Variants in STYX observed in about 807,000 individuals in gnomAD.
The protein encoded by STYX is serine/threonine/tyrosine interacting protein.
Under a neutral mutation model 42.7 loss-of-function variants are expected in STYX, and 20 were observed. That is an observed-to-expected ratio of 0.47 (90% CI 0.33 to 0.68). The LOEUF (loss-of-function observed/expected upper bound fraction) is 0.68. Among genes scored for constraint, STYX ranks in the 30% least tolerant of loss-of-function variants. STYX has a pLI of 0.02. For missense variants in STYX, 226 were observed against 268.5 expected, an observed-to-expected ratio of 0.84 and a Z score of 1.11; for synonymous variants, 78 against 81.9, an observed-to-expected ratio of 0.95 and a Z score of 0.26.
intron 1 of STYX, among the ~76,000 whole-genome samples, chr14:52,731,186 A>T (rs1274385094): frequency 6.6e-6 from 1 of 151,796 alleles, no homozygotes; most frequent in Admixed American, 6.6e-5. Context: ...TTCTACTCGG[A>T]TTTTTTTTCA....
intron 3 of STYX, among the ~76,000 whole-genome samples, chr14:52,747,709 CATTAA>C (rs1397646805): frequency 2.0e-5 from 3 of 152,150 alleles, no homozygotes; most frequent in Non-Finnish European, 4.4e-5. Flanking sequence ...GTATTTATCA[CATTAA>C]ATTAAAGTAT....
chr14:52,749,625 C>A (rs1000640189), intron 3 of STYX, among the ~76,000 whole-genome samples: 1 of 152,144 alleles, frequency 6.6e-6, no homozygotes, highest in Admixed American at 6.6e-5. Flanking sequence ...AAATAAAAAT[C>A]TTTTCTGTCA....
At chr14:52,738,617 A>C (rs1456775948) in intron 1 of STYX, among the ~76,000 whole-genome samples, 9 of 152,208 alleles carry the variant, frequency 5.9e-5, no homozygotes, top group Admixed American at 5.9e-4. Context: ...GAAGGTGTTG[A>C]GGAAATGCCA....
At chr14:52,754,237 G>A (rs1881759872) in intron 4 of STYX, among the ~76,000 whole-genome samples, 1 of 150,766 alleles carries the variant, frequency 6.6e-6, no homozygotes, top group Admixed American at 6.6e-5. Flanking sequence ...TTCAAAGATA[G>A]GATCTTTCTC....
chr14:52,741,014 G>A (rs988349985), intron 1 of STYX, among the ~76,000 whole-genome samples: 4 of 152,092 alleles, frequency 2.6e-5, no homozygotes, highest in African/African-American at 9.7e-5. Flanking sequence ...TCTTTTGTGT[G>A]TGGCTTTCTT....
intron 9 of STYX, among the ~76,000 whole-genome samples, chr14:52,765,097 T>C (rs1401881764): frequency 6.6e-6 from 1 of 152,244 alleles, no homozygotes; most frequent in Non-Finnish European, 1.5e-5. Flanking sequence ...CCTTTGCATA[T>C]TGGAAAATAT....
intron 1 of STYX, among the ~76,000 whole-genome samples, chr14:52,736,812 G>T (rs965536857): frequency 1.8e-5 from 2 of 114,252 alleles, no homozygotes; most frequent in African/African-American, 6.4e-5. Flanking sequence ...TGCTGGTTTA[G>T]AAAATATCTT....
At chr14:52,745,954 G>A (rs1224925161) in intron 2 of STYX, among the ~76,000 whole-genome samples, 1 of 152,134 alleles carries the variant, frequency 6.6e-6, no homozygotes, top group East Asian at 1.9e-4. Flanking sequence ...GAACTATAAA[G>A]TTACTGTTAG....
intron 9 of STYX, among the ~76,000 whole-genome samples, chr14:52,763,193 G>A (rs763315764): frequency 6.6e-4 from 100 of 151,846 alleles, no homozygotes; most frequent in Middle Eastern, 3.4e-3. Context: ...CTCCTGGCCT[G>A]GTTTGATTTT....
At chr14:52,746,735 C>CT (rs1269304620) in intron 3 of STYX, among the ~76,000 whole-genome samples, 1 of 152,108 alleles carries the variant, frequency 6.6e-6, no homozygotes, top group East Asian at 1.9e-4. Context: ...AATAACTGAC[C>CT]TTTAATAACT....
chr14:52,759,211 C>T (rs1280469140), intron 8 of STYX, among the ~76,000 whole-genome samples: 1 of 152,174 alleles, frequency 6.6e-6, no homozygotes, highest in Non-Finnish European at 1.5e-5. Flanking sequence ...TAGTCTCAGA[C>T]TTGAGGACTC....
chr14:52,764,307 A>T (rs1432665658), intron 9 of STYX, among the ~76,000 whole-genome samples: 1 of 151,900 alleles, frequency 6.6e-6, no homozygotes, highest in East Asian at 1.9e-4. Context: ...CGGTTATTTT[A>T]CCTTGCAGTT....
rs1416574110 is a variant in STYX at position 52,730,198 on chromosome 14, G to C, written c.-277G>C. On this transcript the variant is annotated 5_prime_UTR_variant, in exon 1 of 11. Coordinates refer to ENST00000354586, the MANE Select transcript of STYX (RefSeq NM_145251.4). The stretch of plus-strand genomic sequence containing the variant: ...GGGCTGGTTCCTGTGCTGGATCCTG[G>C]GCGGCCTGAGGGGTACGGAGACTCT... 2.0e-6 allele frequency: 1 copy of C among 495,648 alleles called. No homozygotes were observed. The highest frequency in any genetic ancestry group is 3.6e-6 in the Non-Finnish European group (1 of 277,562). The allele number at this position is 495,648 out of a possible 1,614,324, so 30.7% of individuals were successfully genotyped here.
chr14:52,731,950 T>A (rs942507888), intron 1 of STYX, among the ~76,000 whole-genome samples: 1 of 18,300 alleles, frequency 5.5e-5, no homozygotes, highest in Non-Finnish European at 1.1e-4. Flanking sequence ...CTAATTTTTC[T>A]TTTTTTTTTT....
At chr14:52,740,722 T>C (rs1881154435) in intron 1 of STYX, among the ~76,000 whole-genome samples, 1 of 152,266 alleles carries the variant, frequency 6.6e-6, no homozygotes, top group Admixed American at 6.5e-5. Flanking sequence ...CTGATTGTCC[T>C]TCCTTTGTGT....
chr14:52,769,260 C>G (rs1882425374), intron 10 of STYX, among the ~76,000 whole-genome samples: 1 of 152,038 alleles, frequency 6.6e-6, no homozygotes, highest in African/African-American at 2.4e-5. Flanking sequence ...CTCTTGCCAT[C>G]AATATTTCCA....
At chr14:52,732,478 T>G (rs962153737) in intron 1 of STYX, among the ~76,000 whole-genome samples, 1 of 151,762 alleles carries the variant, frequency 6.6e-6, no homozygotes, top group African/African-American at 2.4e-5. Context: ...TTTCACCATG[T>G]TGGCCAGGAT....
rs961103829 is a variant in STYX at position 52,761,984 on chromosome 14, G to A, written c.504+2230G>A. ...TGCTTGAACTCGGGAGGCGGAGGTT[G>A]CAGTGAGCCGAGATGGCATCATTGC... On this transcript the variant is annotated intron_variant, in intron 9 of 10. Coordinates refer to ENST00000354586, the MANE Select transcript of STYX (RefSeq NM_145251.4). Among the ~76,000 whole-genome samples, 3 of 151,784 alleles carry A rather than the reference G, an allele frequency of 2.0e-5. No homozygotes were observed. In the South Asian group the frequency reaches 6.2e-4, roughly 32 times the overall value.
At chr14:52,767,656 A>G (rs1218427500) in intron 9 of STYX, among the ~76,000 whole-genome samples, 1 of 152,048 alleles carries the variant, frequency 6.6e-6, no homozygotes, top group Admixed American at 6.6e-5. Context: ...GACAGCTTGA[A>G]TTTTCCCAGG....
Sources: allele counts gnomAD v4.1 joint callset (sites outside exome capture counted in the v4.1 genomes callset), GRCh38; gene constraint gnomAD v4.1.1; transcripts MANE v1.5; gene names NCBI Gene and HGNC (gene_info 2026-07-23, HGNC 2026-07-21).